Variants in ZMAT4 observed in about 807,000 individuals in gnomAD.
ZMAT4 encodes the protein zinc finger matrin-type protein 4.
Under a neutral mutation model 28.7 loss-of-function variants are expected in ZMAT4, and 17 were observed. The observed-to-expected ratio is 0.59, with a 90% CI of 0.41 to 0.89. The LOEUF is 0.89. Among genes scored for constraint, ZMAT4 ranks in the 40% least tolerant of loss-of-function variants. The pLI is 0.00. For synonymous variants in ZMAT4, 117 were observed against 109.2 expected (o/e 1.07, Z -0.44); for missense variants, 240 against 283.8 (o/e 0.85, Z 1.11).
Position 40,637,827 on chromosome 8 carries a change from T to C in ZMAT4, c.577+36877A>G, listed in dbSNP as rs552152818. 6.2e-4 allele frequency among the ~76,000 whole-genome samples: 95 copies of C among 152,144 alleles called. 3 individuals carry two copies. In the South Asian group the frequency reaches 0.018, roughly 29 times the overall value. On this transcript the variant is annotated intron_variant, in intron 5 of 6. Transcript: ENST00000297737. ...ATAGCACGTGCTATATTTTAAGAGG[T>C]ATTGGGAAGACTTTTATGCCAACCT...
At position 40,602,051 on chromosome 8, in the gene ZMAT4, T is replaced by C. The variant is rs995145275; in HGVS notation, c.578-20790A>G. ...TCCCTTGAGTCTCCAAAGTACATTGTATCATTCTTATGCCTTTGTGTCCTC... is the reference window on the plus strand; with the variant it reads ...TCCCTTGAGTCTCCAAAGTACATTGCATCATTCTTATGCCTTTGTGTCCTC... On this transcript the variant is annotated intron_variant, in intron 5 of 6. Transcript: ENST00000297737. Among the ~76,000 whole-genome samples the C allele has an allele frequency of 2.6e-5, 4 of 152,312 alleles. No individual in the cohort carries two copies. The East Asian group carries it at 7.7e-4, about 29-fold the overall frequency.
intron 5 of ZMAT4, among the ~76,000 whole-genome samples, chr8:40,626,685 G>T (rs1336369185): frequency 6.6e-6 from 1 of 152,194 alleles, no homozygotes; most frequent in Non-Finnish European, 1.5e-5. Flanking sequence ...TATCCTGCTG[G>T]TGTGAAGTCA....
intron 2 of ZMAT4, among the ~76,000 whole-genome samples, chr8:40,784,563 C>A (rs1048540883): frequency 6.6e-5 from 10 of 152,038 alleles, no homozygotes; most frequent in African/African-American, 2.4e-4. Flanking sequence ...GAGTTCCCTG[C>A]CAAGAAAGAA....
chr8:40,829,727 GA>G (rs2150616396), intron 1 of ZMAT4, among the ~76,000 whole-genome samples: 1 of 152,284 alleles, frequency 6.6e-6, no homozygotes, highest in South Asian at 2.1e-4. Context: ...TATAGGATTT[GA>G]GAAGACAGAA....
chr8:40,616,421 A>C (rs1431141574), intron 5 of ZMAT4, among the ~76,000 whole-genome samples: 1 of 152,248 alleles, frequency 6.6e-6, no homozygotes, highest in Non-Finnish European at 1.5e-5. Flanking sequence ...ATGCTGCTAT[A>C]AAGATACATG....
intron 2 of ZMAT4, among the ~76,000 whole-genome samples, chr8:40,777,845 C>T (rs762351978): frequency 2.6e-5 from 4 of 152,210 alleles, no homozygotes; most frequent in Non-Finnish European, 5.9e-5. Context: ...ACTCTGATCA[C>T]CTCATTATTC....
intron 1 of ZMAT4, among the ~76,000 whole-genome samples, chr8:40,847,209 AC>A (rs200056184): frequency 0.13 from 15,869 of 125,192 alleles, 1,010 homozygotes; most frequent in African/African-American, 0.14. Context: ...ATCTAAAAAA[AC>A]AAACAAACAA....
At chr8:40,621,496 A>G (rs1367776964) in intron 5 of ZMAT4, among the ~76,000 whole-genome samples, 1 of 152,250 alleles carries the variant, frequency 6.6e-6, no homozygotes, top group Non-Finnish European at 1.5e-5. Context: ...AAATTGGAAC[A>G]GATAATAAGG....
intron 2 of ZMAT4, among the ~76,000 whole-genome samples, chr8:40,773,903 A>C (rs151323189): frequency 4.4e-4 from 67 of 152,292 alleles, no homozygotes; most frequent in African/African-American, 1.4e-3. Flanking sequence ...GAACAAATAT[A>C]ATATGGCTTT....
In ZMAT4 at chr8:40,869,607, A is replaced by G. The variant is rs532573522; in HGVS notation, c.-5+28076T>C. On this transcript the variant is annotated intron_variant, in intron 1 of 6. Transcript: ENST00000297737. ...GATAATCTTGAAGCTCTATTAGGGC[A>G]GGGATTTTACCACGTCCACCTGAGT... Among the ~76,000 whole-genome samples, 30 of 152,370 alleles carry G rather than the reference A, an allele frequency of 2.0e-4. 1 individual carries two copies. In the South Asian group the frequency reaches 6.0e-3, roughly 31 times the overall value.
At chr8:40,734,536 C>G (rs550246399) in intron 3 of ZMAT4, among the ~76,000 whole-genome samples, 1 of 152,198 alleles carries the variant, frequency 6.6e-6, no homozygotes, top group East Asian at 1.9e-4. Flanking sequence ...AAAGTACAAC[C>G]GAGCGGAGAG....
intron 1 of ZMAT4, among the ~76,000 whole-genome samples, chr8:40,826,918 A>C (rs545529232): frequency 3.3e-5 from 5 of 152,218 alleles, no homozygotes; most frequent in South Asian, 2.1e-4. Flanking sequence ...CACAAACTCC[A>C]CTTGTTTCAC....
intron 2 of ZMAT4, among the ~76,000 whole-genome samples, chr8:40,793,521 C>T (rs546710251): frequency 2.0e-4 from 31 of 152,330 alleles, no homozygotes; most frequent in African/African-American, 6.5e-4. Context: ...AATCCTTTTG[C>T]GAATTTGCTG....
At chr8:40,743,997 C>T (rs1004025203) in intron 3 of ZMAT4, among the ~76,000 whole-genome samples, 1 of 152,164 alleles carries the variant, frequency 6.6e-6, no homozygotes, top group African/African-American at 2.4e-5. Context: ...AAAAATATGG[C>T]TAGAATGAAT....
At chr8:40,776,781 A>G (rs1057115726) in intron 2 of ZMAT4, among the ~76,000 whole-genome samples, 3 of 152,236 alleles carry the variant, frequency 2.0e-5, no homozygotes, top group Non-Finnish European at 2.9e-5. Context: ...CTTAAACAAC[A>G]TGAGCCAATC....
At chr8:40,690,871 A>G (rs1316701986) in intron 4 of ZMAT4, 12 of 982,638 alleles carry the variant, frequency 1.2e-5, no homozygotes, top group Non-Finnish European at 1.5e-5. Flanking sequence ...GGAATATACA[A>G]TAAACACACT....
intron 5 of ZMAT4, among the ~76,000 whole-genome samples, chr8:40,617,393 G>A (rs890112137): frequency 2.6e-5 from 4 of 152,268 alleles, no homozygotes; most frequent in African/African-American, 9.6e-5. Flanking sequence ...AGAACCTAAT[G>A]CACACCAAAG....
intron 1 of ZMAT4, among the ~76,000 whole-genome samples, chr8:40,863,001 C>T (rs1817559839): frequency 1.3e-5 from 2 of 151,720 alleles, no homozygotes; most frequent in Admixed American, 1.3e-4. Context: ...AAAGAAAGAA[C>T]AGCCTGTGCA....
chr8:40,632,724 C>A (rs1806640743), intron 5 of ZMAT4, among the ~76,000 whole-genome samples: 1 of 152,186 alleles, frequency 6.6e-6, no homozygotes, highest in South Asian at 2.1e-4. Flanking sequence ...GTCTGCCCTA[C>A]AAACTGTGAG....
Sources: gnomAD v4.1 joint callset for allele counts (sites outside exome capture counted in the v4.1 genomes callset) on GRCh38, gnomAD v4.1.1 for gene constraint, MANE v1.5 for transcripts, NCBI Gene and HGNC (gene_info 2026-07-23, HGNC 2026-07-21) for gene names.